The following TM2D1 variants were observed in gnomAD, a reference collection of about 807,000 sequenced individuals.
The protein encoded by TM2D1 is TM2 domain containing 1.
TM2D1 carries 15 observed loss-of-function variants against 28.4 expected under a neutral mutation model. That is an observed-to-expected ratio of 0.53 (90% CI 0.35 to 0.81). TM2D1 has a LOEUF of 0.81. Among genes scored for constraint, TM2D1 ranks in the 40% least tolerant of loss-of-function variants. The pLI, the probability that TM2D1 is intolerant of heterozygous loss-of-function variation, is 0.01. For missense variants in TM2D1, 236 were observed against 254.9 expected, an observed-to-expected ratio of 0.93 and a Z score of 0.50; for synonymous variants, 93 against 96.2, an observed-to-expected ratio of 0.97 and a Z score of 0.20.
intron 2 of TM2D1, among the ~76,000 whole-genome samples, chr1:61,710,427 A>C (rs1644468933): frequency 1.0e-5 from 1 of 96,198 alleles, no homozygotes. Flanking sequence ...CCCTGTCCCA[A>C]AAAAAAAAAA....
At chr1:61,683,117 T>C (rs1304774002) in intron 6 of TM2D1, among the ~76,000 whole-genome samples, 1 of 152,132 alleles carries the variant, frequency 6.6e-6, no homozygotes, top group Non-Finnish European at 1.5e-5. Context: ...TATTGAGCTA[T>C]TTACGGCACA....
intron 6 of TM2D1, among the ~76,000 whole-genome samples, chr1:61,682,149 C>T (rs1314679006): frequency 1.3e-5 from 2 of 152,160 alleles, no homozygotes; most frequent in African/African-American, 4.8e-5. Flanking sequence ...AAGTATACTT[C>T]ATATCCTGTT....
chr1:61,699,462 A>G (rs1644387072), intron 4 of TM2D1: 1 of 152,224 alleles, frequency 6.6e-6, no homozygotes, highest in Admixed American at 6.6e-5. Flanking sequence ...GCATTTTATA[A>G]TCGGACCATA....
At chr1:61,717,144 C>T (rs886958099) in intron 2 of TM2D1, among the ~76,000 whole-genome samples, 3 of 151,710 alleles carry the variant, frequency 2.0e-5, no homozygotes, top group South Asian at 2.1e-4. Context: ...GTCAGGAGAT[C>T]GAGACCATCC....
At chr1:61,711,564 G>A (rs1342963152) in intron 2 of TM2D1, among the ~76,000 whole-genome samples, 1 of 151,244 alleles carries the variant, frequency 6.6e-6, no homozygotes, top group Admixed American at 6.6e-5. Flanking sequence ...GGAGGTCAAG[G>A]CTGCAGTGAG....
chr1:61,700,337 G>C (rs193117902), intron 4 of TM2D1: 2 of 1,381,752 alleles, frequency 1.4e-6, no homozygotes, highest in African/African-American at 3.0e-5. Context: ...AATAAGGGCA[G>C]GCATGTGAAA....
At chr1:61,706,961 A>G (rs973744764) in intron 3 of TM2D1, among the ~76,000 whole-genome samples, 8 of 151,552 alleles carry the variant, frequency 5.3e-5, no homozygotes, top group Admixed American at 6.6e-5. Context: ...ATTGATATCA[A>G]TATCTTATAA....
At chr1:61,681,472 C>T (rs1352737979) in intron 6 of TM2D1, 122 bp from the exon 7 acceptor site, 1 of 152,140 alleles carries the variant, frequency 6.6e-6, no homozygotes, top group African/African-American at 2.4e-5. Flanking sequence ...TCTTGGAGCA[C>T]TTCTGTATAA....
In TM2D1 at chr1:61,725,037, G is replaced by A. The variant is rs752852080; in HGVS notation, c.84C>T (p.Val28=). The change falls in exon 1 of 7, where the codon GTC becomes GTT. Residue 28 remains valine, a synonymous_variant. Coordinates refer to ENST00000606498, the MANE Select transcript of TM2D1 (RefSeq NM_032027.3). ...RLVGVLWFVS[V]TTGPWGAVAT... ...CAACAGCCCCCCAGGGTCCTGTAGT[G>A]ACTGAGACGAACCACAGGACACCAA... 11 of 1,613,906 alleles carry A rather than the reference G, an allele frequency of 6.8e-6. No homozygotes were observed. Among genetic ancestry groups the A allele is most frequent in the African/African-American group, 2.7e-5 (2 of 74,958 alleles).
At position 61,701,556 on chromosome 1, in the gene TM2D1, C is replaced by CGTGTGTGTGTGTGT. The variant is rs60257971; in HGVS notation, c.348-545_348-532dup. 1.0e-3 allele frequency among the ~76,000 whole-genome samples: 151 copies of CGTGTGTGTGTGTGT among 145,946 alleles called. 1 individual carries two copies. Among genetic ancestry groups the CGTGTGTGTGTGTGT allele is most frequent in the African/African-American group, 2.8e-3 (110 of 39,584 alleles). On this transcript the variant is annotated intron_variant, in intron 3 of 6. Transcript: ENST00000606498. Reference sequence around the variant, plus strand: ...AAGATCCCTGCTCATAATTCTCTTTCGTGTGTGTGTGTGTGTGTGTGTGTG... The same window carrying CGTGTGTGTGTGTGT: ...AAGATCCCTGCTCATAATTCTCTTTCGTGTGTGTGTGTGTGTGTGTGTGTGTGTGTGTGTGTGTG...
In TM2D1 at chr1:61,724,787, T is replaced by C. The variant is rs1454941047; in HGVS notation, c.164+170A>G. 4.4e-6 allele frequency: 3 copies of C among 685,798 alleles called. No individual in the cohort carries two copies. In the African/African-American group the frequency reaches 5.4e-5, roughly 12 times the overall value. The allele number at this position is 685,798 out of a possible 1,614,324, so 42.5% of individuals were successfully genotyped here. A position where few individuals can be genotyped will look rare whatever the true frequency, so the allele number is the denominator to read the frequency against. On this transcript the variant is annotated intron_variant, in intron 1 of 6. Coordinates refer to ENST00000606498, the MANE Select transcript of TM2D1 (RefSeq NM_032027.3). ...AATCACAAAGGGTGGCCTCTGGCCC[T>C]CCCATCTCCACAACTCTGTTCACCT...
intron 2 of TM2D1, among the ~76,000 whole-genome samples, chr1:61,710,063 T>C (rs1644466189): frequency 6.6e-6 from 1 of 152,266 alleles, no homozygotes; most frequent in South Asian, 2.1e-4. Context: ...TATAACCTCA[T>C]AGTGTAAAGA....
At chr1:61,695,741 C>G (rs889525310) in intron 4 of TM2D1, among the ~76,000 whole-genome samples, 1 of 152,110 alleles carries the variant, frequency 6.6e-6, no homozygotes, top group Non-Finnish European at 1.5e-5. Context: ...ATGACTTTTT[C>G]CCCCACATAT....
At chr1:61,694,148 C>G (rs1351632055) in intron 5 of TM2D1, 1 of 148,336 alleles carries the variant, frequency 6.7e-6, no homozygotes, top group Non-Finnish European at 1.5e-5. Flanking sequence ...TTTTTTTTTT[C>G]TTTTTAGCTT....
chr1:61,700,138 C>A, intron 4 of TM2D1: 1 of 1,494,608 alleles, frequency 6.7e-7, no homozygotes, highest in Middle Eastern at 1.8e-4. Context: ...AGCTGAGTGT[C>A]CTTGGGTAAA....
intron 5 of TM2D1, among the ~76,000 whole-genome samples, chr1:61,688,756 C>T (rs1644303541): frequency 6.8e-6 from 1 of 146,222 alleles, no homozygotes; most frequent in African/African-American, 2.5e-5. Context: ...AAAAAAAACT[C>T]CTCTGTGGCT....
rs1644333478 is a variant in TM2D1, at chr1:61,692,247, A to G, written c.513+2450T>C. Among the ~76,000 whole-genome samples, 2 of 151,926 alleles carry G rather than the reference A, an allele frequency of 1.3e-5. 1 individual carries two copies. Among genetic ancestry groups the G allele is most frequent in the African/African-American group, 4.8e-5 (2 of 41,400 alleles). On this transcript the variant is annotated intron_variant, in intron 5 of 6. Transcript: ENST00000606498. ...ACTCATAAAAGTATTTTCAGGAAAC[A>G]TAGCAACATGTAAAGCTTACTTTAG...
At chr1:61,716,573 A>G (rs898353882) in intron 2 of TM2D1, among the ~76,000 whole-genome samples, 1 of 142,744 alleles carries the variant, frequency 7.0e-6, no homozygotes, top group African/African-American at 2.5e-5. Flanking sequence ...ATATATGTAT[A>G]TAATTTTATA....
chr1:61,692,775 T>A (rs1238112000), intron 5 of TM2D1, among the ~76,000 whole-genome samples: 1 of 152,232 alleles, frequency 6.6e-6, no homozygotes, highest in Non-Finnish European at 1.5e-5. Flanking sequence ...CTTATTTGGC[T>A]ATGCTTGAAA....
Sources: allele counts gnomAD v4.1 joint callset (sites outside exome capture counted in the v4.1 genomes callset), GRCh38; gene constraint gnomAD v4.1.1; transcripts MANE v1.5; gene names NCBI Gene and HGNC (gene_info 2026-07-23, HGNC 2026-07-21).